The following PDHX variants were observed in gnomAD, a reference collection of about 807,000 sequenced individuals.
The protein encoded by PDHX is pyruvate dehydrogenase protein X component, mitochondrial.
Under a neutral mutation model 55.3 loss-of-function variants are expected in PDHX, and 33 were observed. That is an observed-to-expected ratio of 0.60 (90% CI 0.45 to 0.80). The LOEUF is 0.80. Among genes scored for constraint, PDHX ranks in the 30% least tolerant of loss-of-function variants. The pLI is 0.00. For missense variants in PDHX, 622 were observed against 619.9 expected (o/e 1.00, Z -0.04); for synonymous variants, 226 against 219.4 (o/e 1.03, Z -0.27).
chr11:34,995,017 C>A lies in PDHX; in HGVS notation c.1351C>A (p.Leu451Ile), dbSNP rs748567027. The change falls in exon 11 of 11, where the codon CTC becomes ATC. Residue 451 changes from leucine to isoleucine, a missense_variant. Transcript: ENST00000227868. Reference protein sequence around the residue: ...AVGRFRPVLKLTEDEEGNAKL... With the variant: ...AVGRFRPVLKITEDEEGNAKL... Reference sequence around the variant, plus strand: ...TGGGAGGTTCCGACCTGTGCTGAAGCTCACTGAGGATGAAGAGGGAAATGC... The same window carrying A: ...TGGGAGGTTCCGACCTGTGCTGAAGATCACTGAGGATGAAGAGGGAAATGC... 6.2e-7 allele frequency: 1 copy of A among 1,613,922 alleles called. No individual in the cohort carries two copies. The highest frequency in any genetic ancestry group is 8.5e-7 in the Non-Finnish European group (1 of 1,179,946).
intron 3 of PDHX, among the ~76,000 whole-genome samples, chr11:34,950,127 C>G (rs1854721116): frequency 6.6e-6 from 1 of 151,696 alleles, no homozygotes; most frequent in African/African-American, 2.4e-5. Context: ...GTTAGATACC[C>G]CTTCCCCACC....
Position 34,969,954 on chromosome 11 carries a change from G to A in PDHX, c.817-185G>A, listed in dbSNP as rs781210117. 9.9e-5 allele frequency among the ~76,000 whole-genome samples: 15 copies of A among 152,104 alleles called. 1 individual carries two copies. The highest frequency in any genetic ancestry group is 2.6e-4 in the Admixed American group (4 of 15,276). On this transcript the variant is annotated intron_variant, in intron 6 of 10. Transcript: ENST00000227868. ...TAGTTATATGCTATAAAACCAAAGC[G>A]TCTCAGATTTTTTATATTCTTCCCT...
intron 7 of PDHX, among the ~76,000 whole-genome samples, chr11:34,973,042 T>A (rs1178571523): frequency 1.3e-5 from 2 of 152,230 alleles, no homozygotes; most frequent in Non-Finnish European, 2.9e-5. Flanking sequence ...AGTGTTGATA[T>A]TCCTCATTAT....
At chr11:34,916,590 G>A, upstream of PDHX, 2 of 1,585,420 alleles carry the variant, frequency 1.3e-6, no homozygotes, top group East Asian at 2.3e-5. Context: ...CCAACCATGC[G>A]GGAGGCGGGG....
At chr11:34,938,153 A>G (rs1382386413) in intron 2 of PDHX, among the ~76,000 whole-genome samples, 1 of 152,232 alleles carries the variant, frequency 6.6e-6, no homozygotes, top group African/African-American at 2.4e-5. Context: ...GAACAGAAGG[A>G]CGACTAGAGG....
intron 2 of PDHX, among the ~76,000 whole-genome samples, chr11:34,944,371 C>T (rs555495950): frequency 5.3e-4 from 81 of 152,054 alleles, no homozygotes; most frequent in Non-Finnish European, 8.7e-4. Context: ...CCACCCACCT[C>T]GGCCTCCCAA....
intron 5 of PDHX, among the ~76,000 whole-genome samples, chr11:34,960,948 C>A (rs567488633): frequency 6.6e-6 from 1 of 152,194 alleles, no homozygotes; most frequent in South Asian, 2.1e-4. Flanking sequence ...AGTTTGGTCT[C>A]TTTTTAGATT....
At position 34,960,599 on chromosome 11, in the gene PDHX, T is replaced by G. The variant is rs2732554; in HGVS notation, c.641+81T>G. 0.66 allele frequency: 545,823 copies of G among 824,920 alleles called. 184,788 individuals carry two copies. Among genetic ancestry groups the G allele is most frequent in the East Asian group, 0.73 (27,257 of 37,538 alleles). 51.1% of individuals were successfully genotyped at this position (824,920 alleles called of 1,614,324 possible). A position where few individuals can be genotyped will look rare whatever the true frequency, so the allele number is the denominator to read the frequency against. ...TTTGAAAGAAAATAAAAAGAGCTTA[T>G]TCAGTCTTAAGATTTAAAAGGAGGT... On this transcript the variant is annotated intron_variant, in intron 5 of 10. Transcript: ENST00000227868.
chr11:34,988,232 C>G (rs564125287), intron 9 of PDHX, among the ~76,000 whole-genome samples: 2 of 152,104 alleles, frequency 1.3e-5, no homozygotes, highest in East Asian at 3.8e-4. Flanking sequence ...TTTAACAACT[C>G]TAACAATAAT....
intron 10 of PDHX, among the ~76,000 whole-genome samples, chr11:34,992,921 A>G (rs576060813): frequency 6.6e-6 from 1 of 152,134 alleles, no homozygotes; most frequent in Non-Finnish European, 1.5e-5. Context: ...CTACCAAACA[A>G]TTTTCCAAAT....
chr11:34,957,692 G>T, intron 4 of PDHX, 109 bp downstream of exon 4: 1 of 891,030 alleles, frequency 1.1e-6, no homozygotes, highest in Non-Finnish European at 1.8e-6. Context: ...CACGTAGGAA[G>T]TTGCTGTTCT....
intron 3 of PDHX, among the ~76,000 whole-genome samples, chr11:34,949,901 A>G (rs2133964994): frequency 6.6e-6 from 1 of 152,312 alleles, no homozygotes; most frequent in Non-Finnish European, 1.5e-5. Flanking sequence ...ACAATTTTCA[A>G]AAGTAGAATT....
At chr11:34,943,201 C>T (rs1212738825) in intron 2 of PDHX, among the ~76,000 whole-genome samples, 1 of 152,052 alleles carries the variant, frequency 6.6e-6, no homozygotes, top group African/African-American at 2.4e-5. Context: ...TAGAGGAAAT[C>T]ACAATTTAAA....
At chr11:34,946,537 G>A (rs1366141078) in intron 2 of PDHX, among the ~76,000 whole-genome samples, 1 of 152,076 alleles carries the variant, frequency 6.6e-6, no homozygotes, top group Non-Finnish European at 1.5e-5. Flanking sequence ...CTCCTACGCA[G>A]TCCCCCCTCG....
intron 7 of PDHX, chr11:34,977,867 A>G (rs1416858965): frequency 1.1e-5 from 6 of 525,850 alleles, no homozygotes; most frequent in Non-Finnish European, 2.2e-5. Context: ...CTTGTGTATG[A>G]TATCTAAGCA....
At chr11:34,919,366 T>G (rs534139877) in intron 1 of PDHX, among the ~76,000 whole-genome samples, 133 of 152,348 alleles carry the variant, frequency 8.7e-4, no homozygotes, top group Middle Eastern at 3.4e-3. Flanking sequence ...TACTGTAAAC[T>G]ATATAAATTA....
chr11:34,955,970 T>C (rs1409303164), intron 3 of PDHX, among the ~76,000 whole-genome samples: 1 of 152,152 alleles, frequency 6.6e-6, no homozygotes, highest in African/African-American at 2.4e-5. Flanking sequence ...TTTACTTTGA[T>C]TTTTGAGTTA....
intron 7 of PDHX, among the ~76,000 whole-genome samples, chr11:34,973,331 C>G (rs576207609): frequency 6.6e-6 from 1 of 152,008 alleles, no homozygotes; most frequent in Non-Finnish European, 1.5e-5. Context: ...AAGTAGGTTT[C>G]TTGAAGGCAG....
chr11:34,946,971 G>A (rs1854634919), intron 2 of PDHX, among the ~76,000 whole-genome samples: 1 of 152,196 alleles, frequency 6.6e-6, no homozygotes, highest in South Asian at 2.1e-4. Context: ...TTCTGTTGCA[G>A]AGAAATGATC....
Sources: gnomAD v4.1 joint callset for allele counts (sites outside exome capture counted in the v4.1 genomes callset) on GRCh38, gnomAD v4.1.1 for gene constraint, MANE v1.5 for transcripts, NCBI Gene and HGNC (gene_info 2026-07-23, HGNC 2026-07-21) for gene names.